Variants in MACROD2 observed in about 807,000 individuals in gnomAD.
MACROD2 encodes the protein ADP-ribose glycohydrolase MACROD2.
A neutral mutation model predicts 70.4 loss-of-function variants in MACROD2; 36 were observed. The observed-to-expected ratio is 0.51, with a 90% CI of 0.39 to 0.68. The LOEUF (loss-of-function observed/expected upper bound fraction) is 0.68. MACROD2 is among the 30% of genes least tolerant of loss of function. The pLI is 0.00. For missense variants in MACROD2, 496 were observed against 538.4 expected, an observed-to-expected ratio of 0.92 and a Z score of 0.78; for synonymous variants, 172 against 178.8, an observed-to-expected ratio of 0.96 and a Z score of 0.30.
chr20:14,296,626 T>C (rs1422901089), intron 3 of MACROD2, among the ~76,000 whole-genome samples: 3 of 151,936 alleles, frequency 2.0e-5, no homozygotes, highest in African/African-American at 7.3e-5. Flanking sequence ...GAGATGCAAA[T>C]TTAGGTAAAC....
intron 5 of MACROD2, among the ~76,000 whole-genome samples, chr20:14,954,699 A>T (rs1365710223): frequency 4.9e-5 from 1 of 20,204 alleles, no homozygotes; most frequent in Non-Finnish European, 1.3e-4. Context: ...ATAAAATTAT[A>T]AATAAATTAT....
chr20:14,579,433 G>T (rs191117495), intron 4 of MACROD2, among the ~76,000 whole-genome samples: 1 of 152,122 alleles, frequency 6.6e-6, no homozygotes, highest in East Asian at 1.9e-4. Context: ...GAGCCACCGC[G>T]CCCGGCCAAC....
At chr20:15,234,284 G>A (rs536037229) in intron 6 of MACROD2, among the ~76,000 whole-genome samples, 3 of 150,158 alleles carry the variant, frequency 2.0e-5, no homozygotes, top group East Asian at 2.0e-4. Flanking sequence ...CGCCCGCCTC[G>A]GCCTCCCAAA....
At position 15,190,243 on chromosome 20, in the gene MACROD2, A is replaced by G. The variant is rs1198907192; in HGVS notation, c.419-39697A>G. ...ACCTCATTTTCTCCTCTGGCATCTT[A>G]TGGTGCAAGCTACCTGCCATTCATG... On this transcript the variant is annotated intron_variant, in intron 5 of 17. Transcript: ENST00000684519. Among the ~76,000 whole-genome samples, 3 of 152,140 alleles carry G rather than the reference A, an allele frequency of 2.0e-5. 1 individual carries two copies. The highest frequency in any genetic ancestry group is 7.2e-5 in the African/African-American group (3 of 41,438).
chr20:14,987,123 A>T (rs2074856619), intron 5 of MACROD2, among the ~76,000 whole-genome samples: 1 of 152,010 alleles, frequency 6.6e-6, no homozygotes, highest in Non-Finnish European at 1.5e-5. Context: ...AGTTAATTTC[A>T]TTTCTTTTTA....
In MACROD2 at chr20:15,595,825, C is replaced by G. The variant is rs59701472; in HGVS notation, c.645+95978C>G. On this transcript the variant is annotated intron_variant, in intron 8 of 17. Transcript: ENST00000684519. Reference sequence around the variant, plus strand: ...ATGCTTTGTAAACTGTAACTTGGCACACTAATAGAGGCAGTGGTTGTAAGT... The same window carrying G: ...ATGCTTTGTAAACTGTAACTTGGCAGACTAATAGAGGCAGTGGTTGTAAGT... Among the ~76,000 whole-genome samples the G allele has an allele frequency of 9.2e-3, 1,407 of 152,200 alleles. 19 individuals are homozygous for G. The highest frequency in any genetic ancestry group is 0.033 in the African/African-American group (1,350 of 41,518).
chr20:14,078,571 T>TGGAATTTTGG (rs2148665010), intron 2 of MACROD2, among the ~76,000 whole-genome samples: 1 of 152,206 alleles, frequency 6.6e-6, no homozygotes, highest in East Asian at 1.9e-4. Context: ...CACGCCTGGC[T>TGGAATTTTGG]AATTTTGGAA....
chr20:15,433,459 CAAAAAAAA>C (rs60298297), intron 7 of MACROD2, among the ~76,000 whole-genome samples: 1 of 88,284 alleles, frequency 1.1e-5, no homozygotes, highest in Non-Finnish European at 2.1e-5. Context: ...ACAAGAGCTG[CAAAAAAAA>C]AAAAAAAAAA....
intron 6 of MACROD2, among the ~76,000 whole-genome samples, chr20:15,268,065 A>C (rs1300441963): frequency 6.6e-6 from 1 of 152,180 alleles, no homozygotes; most frequent in Non-Finnish European, 1.5e-5. Context: ...GTGGCAGATG[A>C]GTGTGAAAAG....
chr20:15,784,122 TA>T (rs892346768), intron 8 of MACROD2, among the ~76,000 whole-genome samples: 2 of 152,064 alleles, frequency 1.3e-5, no homozygotes, highest in African/African-American at 4.8e-5. Flanking sequence ...GCAAAGCATA[TA>T]AAAAAATTAT....
At chr20:14,753,450 A>C (rs1419796482) in intron 5 of MACROD2, among the ~76,000 whole-genome samples, 1 of 152,132 alleles carries the variant, frequency 6.6e-6, no homozygotes. Flanking sequence ...GTGTGCATGC[A>C]TGTATATTTA....
intron 6 of MACROD2, among the ~76,000 whole-genome samples, chr20:15,416,493 C>A (rs138451815): frequency 2.6e-5 from 4 of 152,226 alleles, no homozygotes; most frequent in African/African-American, 7.2e-5. Context: ...TGTTTAAAGC[C>A]CTCATTCTTC....
At chr20:15,168,918 T>C (rs1311633248) in intron 5 of MACROD2, among the ~76,000 whole-genome samples, 1 of 152,130 alleles carries the variant, frequency 6.6e-6, no homozygotes, top group African/African-American at 2.4e-5. Context: ...AGGACAAATA[T>C]CATATGATTC....
chr20:15,690,505 T>TA (rs1355231515), intron 8 of MACROD2, among the ~76,000 whole-genome samples: 2 of 152,126 alleles, frequency 1.3e-5, no homozygotes, highest in Non-Finnish European at 2.9e-5. Flanking sequence ...GGCAGCACCA[T>TA]AAGGATCTGA....
chr20:15,845,188 C>T (rs1449067832), intron 8 of MACROD2, among the ~76,000 whole-genome samples: 1 of 152,092 alleles, frequency 6.6e-6, no homozygotes, highest in Non-Finnish European at 1.5e-5. Context: ...AAGTTGAGGT[C>T]ACGCTGGATT....
At chr20:14,348,139 C>T (rs1057406710) in intron 3 of MACROD2, among the ~76,000 whole-genome samples, 6 of 151,440 alleles carry the variant, frequency 4.0e-5, no homozygotes, top group South Asian at 2.1e-4. Context: ...TGTGGTGGTA[C>T]GCACCTGTAG....
chr20:15,079,695 C>T (rs1447521925), intron 5 of MACROD2, among the ~76,000 whole-genome samples: 1 of 152,084 alleles, frequency 6.6e-6, no homozygotes, highest in Admixed American at 6.6e-5. Flanking sequence ...AGAAAAAACT[C>T]ACCACCAGTT....
At chr20:14,786,421 A>C in intron 5 of MACROD2, among the ~76,000 whole-genome samples, 1 of 151,994 alleles carries the variant, frequency 6.6e-6, no homozygotes, top group East Asian at 1.9e-4. Context: ...TTCTTCCCTG[A>C]GGGAGAGTTT....
At position 14,600,343 on chromosome 20, in the gene MACROD2, T is replaced by TATATATATATATATATATATATAC. The variant is rs1320891260; in HGVS notation, c.302-84499_302-84498insTATATATATATATATATATATACA. On this transcript the variant is annotated intron_variant, in intron 4 of 17. Coordinates refer to ENST00000684519, the MANE Select transcript of MACROD2 (RefSeq NM_001351661.2). ...ATGCAGCTACATATATATATATATA[T>TATATATATATATATATATATATAC]ACACACACACACACACACACACAAA... Among the ~76,000 whole-genome samples the TATATATATATATATATATATATAC allele has an allele frequency of 3.9e-3, 503 of 129,934 alleles. 5 individuals carry two copies. Among genetic ancestry groups the TATATATATATATATATATATATAC allele is most frequent in the African/African-American group, 0.015 (467 of 31,534 alleles). 85.2% of individuals were successfully genotyped at this position (129,934 alleles called of 152,430 possible). A position where few individuals can be genotyped will look rare whatever the true frequency, so the allele number is the denominator to read the frequency against.
Sources: allele counts gnomAD v4.1 joint callset (sites outside exome capture counted in the v4.1 genomes callset), GRCh38; gene constraint gnomAD v4.1.1; transcripts MANE v1.5; gene names NCBI Gene and HGNC (gene_info 2026-07-23, HGNC 2026-07-21).